DPP6: variants seen among roughly 807,000 people sequenced by gnomAD.
DPP6 encodes the protein dipeptidyl peptidase like 6, also known as A-type potassium channel modulatory protein DPP6.
Under a neutral mutation model 122.6 loss-of-function variants are expected in DPP6, and 69 were observed. The ratio of observed to expected loss-of-function variants is 0.56; its 90% CI spans 0.46 to 0.69. The LOEUF (loss-of-function observed/expected upper bound fraction) is 0.69. Ranked by LOEUF, DPP6 falls within the 30% of genes least tolerant of loss-of-function variation. The probability of loss-of-function intolerance (pLI) is 0.00; values close to 1 mark genes in which losing one functional copy is unlikely to be tolerated. For missense variants in DPP6, 928 were observed against 1,116.9 expected (o/e 0.83, Z 2.41); for synonymous variants, 418 against 433.1 (o/e 0.97, Z 0.43).
chr7:154,800,137 C>T (rs900859486), intron 12 of DPP6, among the ~76,000 whole-genome samples: 6 of 152,176 alleles, frequency 3.9e-5, no homozygotes, highest in Middle Eastern at 3.2e-3. Flanking sequence ...CCAAATTAAC[C>T]GCTGGTTTTT....
chr7:154,691,693 C>A (rs1839939448), intron 7 of DPP6, among the ~76,000 whole-genome samples: 1 of 152,080 alleles, frequency 6.6e-6, no homozygotes, highest in African/African-American at 2.4e-5. Flanking sequence ...GTGGTGCACA[C>A]CTGTAGTCCC....
At chr7:153,903,872 G>T (rs1799739440) in intron 1 of DPP6, among the ~76,000 whole-genome samples, 1 of 152,270 alleles carries the variant, frequency 6.6e-6, no homozygotes, top group African/African-American at 2.4e-5. Flanking sequence ...CAGCAACTGG[G>T]CCCTGTCTCC....
At chr7:154,199,057 C>A (rs1475737454) in intron 1 of DPP6, among the ~76,000 whole-genome samples, 1 of 151,230 alleles carries the variant, frequency 6.6e-6, no homozygotes, top group South Asian at 2.1e-4. Context: ...TGTGGGGACA[C>A]CTGGCAGGAG....
At chr7:153,973,222 A>G (rs1796114393) in intron 1 of DPP6, among the ~76,000 whole-genome samples, 1 of 152,178 alleles carries the variant, frequency 6.6e-6, no homozygotes, top group African/African-American at 2.4e-5. Flanking sequence ...TTCATTCTTT[A>G]TATAAGGCTC....
chr7:153,999,084 C>T (rs1331241513), intron 1 of DPP6, among the ~76,000 whole-genome samples: 1 of 152,218 alleles, frequency 6.6e-6, no homozygotes, highest in Non-Finnish European at 1.5e-5. Context: ...TGGCAGGGTT[C>T]CAAGTGGGCA....
chr7:154,518,721 G>A (rs2129931161), intron 3 of DPP6, among the ~76,000 whole-genome samples: 1 of 152,290 alleles, frequency 6.6e-6, no homozygotes, highest in Middle Eastern at 3.4e-3. Context: ...GTTGTCCCTG[G>A]TTGGTTTCTG....
At chr7:154,491,558 T>C (rs1363940042) in intron 3 of DPP6, among the ~76,000 whole-genome samples, 2 of 152,196 alleles carry the variant, frequency 1.3e-5, no homozygotes, top group Non-Finnish European at 1.5e-5. Flanking sequence ...CTACAATTCG[T>C]CCAGAATCCT....
intron 16 of DPP6, among the ~76,000 whole-genome samples, chr7:154,809,341 C>G (rs1417929533): frequency 6.6e-6 from 1 of 151,838 alleles, no homozygotes; most frequent in Admixed American, 6.6e-5. Flanking sequence ...CTGTGGTGGC[C>G]CCTCTTTAAT....
At chr7:154,151,462 C>T (rs146653021) in intron 1 of DPP6, among the ~76,000 whole-genome samples, 1,853 of 152,278 alleles carry the variant, frequency 0.012, 39 homozygotes, top group African/African-American at 0.042. Context: ...GGTCTCGACA[C>T]GGTTCACACA....
intron 1 of DPP6, among the ~76,000 whole-genome samples, chr7:154,180,497 GAT>G: frequency 7.1e-6 from 1 of 140,934 alleles, no homozygotes; most frequent in South Asian, 2.2e-4. Context: ...AATAGATATA[GAT>G]ATATAAATAA....
chr7:154,113,790 T>C (rs1041308560), intron 1 of DPP6, among the ~76,000 whole-genome samples: 2 of 152,208 alleles, frequency 1.3e-5, no homozygotes, highest in Non-Finnish European at 2.9e-5. Flanking sequence ...AGTTCAGTTC[T>C]CTTGTATGGA....
chr7:154,311,029 T>A (rs1470089594), intron 1 of DPP6, among the ~76,000 whole-genome samples: 1 of 152,184 alleles, frequency 6.6e-6, no homozygotes, highest in Non-Finnish European at 1.5e-5. Context: ...AAAGTGATTC[T>A]CTATAAGCTC....
At chr7:153,953,132 A>G (rs948807711) in intron 1 of DPP6, among the ~76,000 whole-genome samples, 13 of 152,182 alleles carry the variant, frequency 8.5e-5, no homozygotes, top group African/African-American at 2.7e-4. Flanking sequence ...ATAAATATCA[A>G]TACTACCATT....
At chr7:153,906,699 G>T (rs1011540296) in intron 1 of DPP6, among the ~76,000 whole-genome samples, 1 of 152,162 alleles carries the variant, frequency 6.6e-6, no homozygotes, top group Non-Finnish European at 1.5e-5. Context: ...CAATCCACCC[G>T]CTTCAGGCAG....
the DPP6 span, among the ~76,000 whole-genome samples, chr7:153,813,653 G>T: frequency 6.6e-6 from 1 of 152,140 alleles, no homozygotes; most frequent in African/African-American, 2.4e-5. Flanking sequence ...CAGTGTAAAA[G>T]TGTTCCTATT....
chr7:153,889,603 CT>C (rs1489554565), intron 1 of DPP6, among the ~76,000 whole-genome samples: 11 of 152,316 alleles, frequency 7.2e-5, no homozygotes, highest in African/African-American at 1.9e-4. Context: ...TGCCCTCCCC[CT>C]AACCCCTCTC....
At chr7:154,844,410 C>G (rs934231917) in intron 16 of DPP6, among the ~76,000 whole-genome samples, 1 of 152,216 alleles carries the variant, frequency 6.6e-6, no homozygotes, top group South Asian at 2.1e-4. Flanking sequence ...CTCTAGAAAT[C>G]TTAGGTAAAT....
At chr7:154,108,833 C>T (rs1476915762) in intron 1 of DPP6, among the ~76,000 whole-genome samples, 5 of 152,146 alleles carry the variant, frequency 3.3e-5, no homozygotes, top group East Asian at 1.9e-4. Context: ...TCCTGGGCCT[C>T]GGCTAAATCC....
chr7:154,445,109 T>C (rs970103166), intron 1 of DPP6, among the ~76,000 whole-genome samples: 6 of 152,244 alleles, frequency 3.9e-5, no homozygotes, highest in African/African-American at 1.4e-4. Context: ...TGACACATTC[T>C]AAAGAACTTT....
Sources: allele counts gnomAD v4.1 joint callset (sites outside exome capture counted in the v4.1 genomes callset), GRCh38; gene constraint gnomAD v4.1.1; transcripts MANE v1.5; gene names NCBI Gene and HGNC (gene_info 2026-07-23, HGNC 2026-07-21).